THSD7A: variants seen among roughly 807,000 people sequenced by gnomAD.
THSD7A encodes the protein thrombospondin type-1 domain-containing protein 7A.
Under a neutral mutation model 231.3 loss-of-function variants are expected in THSD7A, and 96 were observed. The ratio of observed to expected loss-of-function variants is 0.41; its 90% CI spans 0.35 to 0.49. The LOEUF (loss-of-function observed/expected upper bound fraction) is 0.49. Among genes scored for constraint, THSD7A ranks in the 20% least tolerant of loss-of-function variants. The pLI is 0.05. For missense variants in THSD7A, 2,290 were observed against 2,070.2 expected (o/e 1.11, Z -2.06); for synonymous variants, 940 against 743.3 (o/e 1.26, Z -4.30).
chr7:11,449,922 A>T (rs1037831314), intron 11 of THSD7A, among the ~76,000 whole-genome samples: 6 of 152,108 alleles, frequency 3.9e-5, no homozygotes, highest in African/African-American at 1.2e-4. Context: ...ATCTGATCAT[A>T]TGAGAATCGT....
chr7:11,647,022 T>C (rs1782309485), intron 1 of THSD7A, among the ~76,000 whole-genome samples: 1 of 152,062 alleles, frequency 6.6e-6, no homozygotes, highest in African/African-American at 2.4e-5. Context: ...GTCTCAGAAA[T>C]GTCAGTCCAG....
At chr7:11,737,278 G>A (rs1285828992) in intron 1 of THSD7A, among the ~76,000 whole-genome samples, 1 of 148,842 alleles carries the variant, frequency 6.7e-6, no homozygotes, top group Admixed American at 6.7e-5. Flanking sequence ...TGCTTCTGAA[G>A]ACAGAAGCTG....
chr7:11,587,740 A>G (rs1445914868), intron 4 of THSD7A, among the ~76,000 whole-genome samples: 2 of 152,172 alleles, frequency 1.3e-5, no homozygotes, highest in African/African-American at 4.8e-5. Context: ...AATGAGTAAA[A>G]AAGTTATTAA....
At chr7:11,643,744 T>C (rs1280459207) in intron 1 of THSD7A, among the ~76,000 whole-genome samples, 2 of 152,012 alleles carry the variant, frequency 1.3e-5, no homozygotes, top group Admixed American at 1.3e-4. Context: ...CTAACTGATG[T>C]TCTATCGCTG....
intron 1 of THSD7A, among the ~76,000 whole-genome samples, chr7:11,796,556 T>A (rs1464354894): frequency 1.3e-5 from 2 of 152,058 alleles, no homozygotes; most frequent in African/African-American, 4.8e-5. Flanking sequence ...CAGTCTTTGT[T>A]TGATGTTTTC....
chr7:11,429,193 T>C, intron 13 of THSD7A, 68 bp from the exon 14 acceptor site: 1 of 1,454,610 alleles, frequency 6.9e-7, no homozygotes, highest in African/African-American at 1.4e-5. Flanking sequence ...CACCCACTAT[T>C]CTAGGTCATT....
chr7:11,565,796 G>A (rs1314327336), intron 4 of THSD7A, among the ~76,000 whole-genome samples: 1 of 152,128 alleles, frequency 6.6e-6, no homozygotes, highest in Non-Finnish European at 1.5e-5. Flanking sequence ...AAAATTGCAA[G>A]TGACAGCAAT....
chr7:11,446,457 A>T lies in THSD7A; in HGVS notation c.2801-133T>A. The T allele has an allele frequency of 9.5e-7, 1 of 1,056,370 alleles. No individual in the cohort carries two copies. Among genetic ancestry groups the T allele is most frequent in the South Asian group, 1.6e-5 (1 of 63,090 alleles). 65.4% of individuals were successfully genotyped at this position (1,056,370 alleles called of 1,614,324 possible). A position where few individuals can be genotyped will look rare whatever the true frequency, so the allele number is the denominator to read the frequency against. ...ATATTTAACAGTAGCCTATAAATCA[A>T]TGCTATTTTCTCATTCCACAGTGTT... On this transcript the variant is annotated intron_variant, in intron 12 of 27. Transcript: ENST00000423059. The surrounding 1 kb of genome is among the most constrained non-coding windows in gnomAD (Gnocchi z 4.0).
intron 1 of THSD7A, among the ~76,000 whole-genome samples, chr7:11,765,648 T>A (rs1230684425): frequency 2.0e-5 from 3 of 152,188 alleles, no homozygotes; most frequent in Non-Finnish European, 4.4e-5. Context: ...ATTCTGTCAC[T>A]AAGTGAGATT....
intron 9 of THSD7A, among the ~76,000 whole-genome samples, chr7:11,465,365 C>T (rs560414020): frequency 9.9e-5 from 15 of 152,034 alleles, no homozygotes; most frequent in African/African-American, 3.4e-4. Context: ...CTGCCTGTGA[C>T]GTTTGTGCTT....
In THSD7A at chr7:11,636,937, T is replaced by C. The variant is rs1023321855; in HGVS notation, c.215A>G (p.Asp72Gly). ...KTGPWGRCMG[D>G]ECGPGGIQTR... The stretch of plus-strand genomic sequence containing the variant: ...TTGGATGCCTCCGGGACCACATTCA[T>C]CTCCCATACATCGGCCCCATGGACC... The change falls in exon 2 of 28, where the codon GAT (aspartate) becomes GGT (glycine). Residue 72 changes from aspartate (D) to glycine (G), a missense_variant. Coordinates refer to ENST00000423059, the MANE Select transcript of THSD7A (RefSeq NM_015204.3). This position sits in a 1 kb window ranked among gnomAD's most constrained non-coding sequence, Gnocchi z 10.0. 13 of 1,611,152 alleles carry C rather than the reference T, an allele frequency of 8.1e-6. No individual in the cohort carries two copies. The highest frequency in any genetic ancestry group is 1.1e-5 in the Non-Finnish European group (13 of 1,179,272).
chr7:11,621,333 T>A (rs1781303895), intron 2 of THSD7A, among the ~76,000 whole-genome samples: 1 of 152,168 alleles, frequency 6.6e-6, no homozygotes, highest in Non-Finnish European at 1.5e-5. Context: ...ATATCATCAG[T>A]TTAAACTAGT....
At chr7:11,512,420 C>A (rs970154265) in intron 6 of THSD7A, among the ~76,000 whole-genome samples, 6 of 152,074 alleles carry the variant, frequency 3.9e-5, no homozygotes, top group African/African-American at 1.2e-4. Context: ...TTTGACCCAG[C>A]CATTCCATTA....
At chr7:11,432,852 GATGGT>G (rs1476811757) in intron 13 of THSD7A, among the ~76,000 whole-genome samples, 1 of 151,922 alleles carries the variant, frequency 6.6e-6, no homozygotes, top group Non-Finnish European at 1.5e-5. Flanking sequence ...GGATAAATTG[GATGGT>G]ATGTATATTA....
intron 1 of THSD7A, among the ~76,000 whole-genome samples, chr7:11,817,878 T>C (rs4463318): frequency 0.28 from 38,879 of 137,882 alleles, 5,841 homozygotes; most frequent in South Asian, 0.4. Context: ...ATCTTTTTAC[T>C]GACTACACAC....
chr7:11,532,432 T>C (rs1047717448), intron 6 of THSD7A, among the ~76,000 whole-genome samples: 6 of 152,136 alleles, frequency 3.9e-5, no homozygotes, highest in African/African-American at 1.2e-4. Context: ...GACTTGGGAT[T>C]GGTAAAGGCT....
rs1349917514 is a variant in THSD7A, at chr7:11,417,584, C to T, written c.3403G>A (p.Asp1135Asn). ...RKVRCMQNTA[D>N]GPSEHVEDYL... ...TCCTCTACATGTTCAGAAGGGCCATCTGCTGTATTCTGCATGCATCTAGAA... is the reference window on the plus strand; with the variant it reads ...TCCTCTACATGTTCAGAAGGGCCATTTGCTGTATTCTGCATGCATCTAGAA... The change falls in exon 17 of 28, where the codon GAT becomes AAT. Residue 1135 changes from aspartate to asparagine, a missense_variant. By Grantham distance (23) the Asp-to-Asn change is conservative. Coordinates refer to ENST00000423059, the MANE Select transcript of THSD7A (RefSeq NM_015204.3). 1.2e-6 allele frequency: 2 copies of T among 1,608,716 alleles called. No individual in the cohort carries two copies. Among genetic ancestry groups the T allele is most frequent in the African/African-American group, 2.7e-5 (2 of 74,534 alleles).
At chr7:11,428,107 G>C (rs970125969) in intron 14 of THSD7A, among the ~76,000 whole-genome samples, 2 of 152,162 alleles carry the variant, frequency 1.3e-5, no homozygotes, top group African/African-American at 4.8e-5. Flanking sequence ...TGTGTTTAGA[G>C]ATTAAAATGA....
intron 4 of THSD7A, among the ~76,000 whole-genome samples, chr7:11,567,022 G>C (rs1790371617): frequency 7.2e-6 from 1 of 138,412 alleles, no homozygotes; most frequent in African/African-American, 2.8e-5. Flanking sequence ...TTATCTCTAA[G>C]GACCAGCTCT....
Sources: gnomAD v4.1 joint callset for allele counts (sites outside exome capture counted in the v4.1 genomes callset) on GRCh38, gnomAD v4.1.1 for gene constraint, Gnocchi (gnomAD v3.1) non-coding constraint, MANE v1.5 for transcripts, NCBI Gene and HGNC (gene_info 2026-07-23, HGNC 2026-07-21) for gene names.